SPEF2: variants seen among roughly 807,000 people sequenced by gnomAD.
The protein encoded by SPEF2 is sperm flagellar and cilia associated 2, also known as sperm flagella and cilia-associated protein 2.
A neutral mutation model predicts 224.6 loss-of-function variants in SPEF2; 187 were observed. The ratio of observed to expected loss-of-function variants is 0.83; its 90% CI spans 0.74 to 0.94. The LOEUF is 0.94. SPEF2 is among the 40% of genes least tolerant of loss of function. The pLI, the probability that SPEF2 is intolerant of heterozygous loss-of-function variation, is 0.00. For missense variants in SPEF2, 2,170 were observed against 2,135.6 expected (o/e 1.02, Z -0.32); for synonymous variants, 715 against 707.3 (o/e 1.01, Z -0.17).
At chr5:35,651,056 C>T (rs537532561) in intron 6 of SPEF2, among the ~76,000 whole-genome samples, 77 of 152,310 alleles carry the variant, frequency 5.1e-4, no homozygotes, top group African/African-American at 1.7e-3. Context: ...CCACTTGGCC[C>T]ATGTTCCAGA....
intron 25 of SPEF2, among the ~76,000 whole-genome samples, chr5:35,760,657 TAA>T (rs953165355): frequency 2.0e-5 from 3 of 152,076 alleles, no homozygotes; most frequent in Non-Finnish European, 4.4e-5. Flanking sequence ...CTGTGCAATA[TAA>T]AAGTCTGTAA....
intron 36 of SPEF2, chr5:35,807,693 C>T: frequency 6.5e-7 from 1 of 1,536,104 alleles, no homozygotes; most frequent in Non-Finnish European, 8.7e-7. Context: ...TTGGGCACCA[C>T]TTCCATCAGG....
intron 6 of SPEF2, 133 bp downstream of exon 6, chr5:35,649,558 G>A: frequency 1.6e-6 from 1 of 610,810 alleles, no homozygotes; most frequent in Non-Finnish European, 2.7e-6. Context: ...GATTCAGAGA[G>A]TAATTAGGGA....
At chr5:35,765,284 T>C (rs537617386) in intron 26 of SPEF2, among the ~76,000 whole-genome samples, 1 of 152,316 alleles carries the variant, frequency 6.6e-6, no homozygotes, top group East Asian at 1.9e-4. Context: ...TCATTTTTTG[T>C]TGCTGTATTG....
chr5:35,650,827 T>C (rs1748090666), intron 6 of SPEF2, among the ~76,000 whole-genome samples: 1 of 152,206 alleles, frequency 6.6e-6, no homozygotes, highest in Admixed American at 6.5e-5. Flanking sequence ...CTCTATCAGT[T>C]AGTTTCAGAA....
intron 10 of SPEF2, among the ~76,000 whole-genome samples, chr5:35,682,048 TTAAG>T: frequency 6.6e-6 from 1 of 152,150 alleles, no homozygotes; most frequent in Non-Finnish European, 1.5e-5. Context: ...AGTCTTAACT[TTAAG>T]TATTACAAAG....
intron 33 of SPEF2, among the ~76,000 whole-genome samples, chr5:35,796,505 G>A (rs1003182309): frequency 4.6e-5 from 7 of 151,912 alleles, no homozygotes; most frequent in Admixed American, 2.0e-4. Context: ...CCAGCTACTC[G>A]GGAGGTTGAG....
chr5:35,807,610 A>G, intron 36 of SPEF2: 1 of 1,523,392 alleles, frequency 6.6e-7, no homozygotes, highest in Non-Finnish European at 8.8e-7. Flanking sequence ...CCAAGTGCTG[A>G]CATATTCATT....
At chr5:35,685,800 C>T (rs1345506603) in intron 10 of SPEF2, among the ~76,000 whole-genome samples, 1 of 151,120 alleles carries the variant, frequency 6.6e-6, no homozygotes, top group Non-Finnish European at 1.5e-5. Flanking sequence ...AAGAGTTCCC[C>T]TCCAGAAAAT....
At chr5:35,794,452 A>G (rs553311754) in intron 32 of SPEF2, among the ~76,000 whole-genome samples, 57 of 152,230 alleles carry the variant, frequency 3.7e-4, no homozygotes, top group Admixed American at 3.7e-3. Flanking sequence ...CAGAAGGAAA[A>G]ACACAAACTA....
At chr5:35,645,344 T>C (rs960821318) in intron 4 of SPEF2, among the ~76,000 whole-genome samples, 1 of 152,184 alleles carries the variant, frequency 6.6e-6, no homozygotes, top group Admixed American at 6.5e-5. Context: ...GGAAGATCAC[T>C]TGGAAGCTGG....
At chr5:35,707,306 G>A (rs988778610) in intron 18 of SPEF2, among the ~76,000 whole-genome samples, 1 of 152,186 alleles carries the variant, frequency 6.6e-6, no homozygotes, top group Non-Finnish European at 1.5e-5. Context: ...GAGTCTGGCA[G>A]CATATATATA....
At chr5:35,622,795 T>C (rs1007935614) in intron 1 of SPEF2, among the ~76,000 whole-genome samples, 1 of 152,242 alleles carries the variant, frequency 6.6e-6, no homozygotes, top group Non-Finnish European at 1.5e-5. Flanking sequence ...AGCAGAAGGC[T>C]ATTGTGTAAA....
rs186047593 is a variant in SPEF2, at chr5:35,637,688, C to T, written c.162-3743C>T. ...TACAGGGTAACATCCTAACCCATAC[C>T]TACATCTCATATCACACATCTCTTC... On this transcript the variant is annotated intron_variant, in intron 2 of 36. Coordinates refer to ENST00000356031, the MANE Select transcript of SPEF2 (RefSeq NM_024867.4). Among the ~76,000 whole-genome samples, 13 of 152,270 alleles carry T rather than the reference C, an allele frequency of 8.5e-5. 1 individual carries two copies. Among genetic ancestry groups the T allele is most frequent in the African/African-American group, 3.1e-4 (13 of 41,548 alleles).
chr5:35,732,217 A>G (rs574567362), intron 21 of SPEF2, among the ~76,000 whole-genome samples: 5 of 152,288 alleles, frequency 3.3e-5, no homozygotes, highest in Admixed American at 6.5e-5. Flanking sequence ...TCAAAATAGT[A>G]TTTGACAATT....
At chr5:35,649,134 A>C (rs1747835025) in intron 5 of SPEF2, among the ~76,000 whole-genome samples, 1 of 152,160 alleles carries the variant, frequency 6.6e-6, no homozygotes, top group African/African-American at 2.4e-5. Flanking sequence ...AAAATCATGA[A>C]GTGAATGATT....
At chr5:35,621,246 ATAAT>A (rs1743467453) in intron 1 of SPEF2, among the ~76,000 whole-genome samples, 1 of 152,224 alleles carries the variant, frequency 6.6e-6, no homozygotes, top group Non-Finnish European at 1.5e-5. Context: ...AAATGAAAGA[ATAAT>A]AAATAATTAA....
intron 21 of SPEF2, among the ~76,000 whole-genome samples, chr5:35,736,300 G>A (rs1746577145): frequency 6.6e-6 from 1 of 152,172 alleles, no homozygotes; most frequent in African/African-American, 2.4e-5. Context: ...GATTGTATTA[G>A]TTTGTTTTCA....
At chr5:35,711,234 A>G (rs1741046019) in intron 19 of SPEF2, among the ~76,000 whole-genome samples, 1 of 152,210 alleles carries the variant, frequency 6.6e-6, no homozygotes, top group Non-Finnish European at 1.5e-5. Flanking sequence ...AAATTTTAAA[A>G]AAGGGCTAGA....
Sources: allele counts gnomAD v4.1 joint callset (sites outside exome capture counted in the v4.1 genomes callset), GRCh38; gene constraint gnomAD v4.1.1; transcripts MANE v1.5; gene names NCBI Gene and HGNC (gene_info 2026-07-23, HGNC 2026-07-21).